The following PHF21B variants were observed in gnomAD, a reference collection of about 807,000 sequenced individuals.
The protein encoded by PHF21B is PHD finger protein 21B.
In PHF21B, 22 loss-of-function variants were observed where a neutral mutation model predicts 62.2. That is an observed-to-expected ratio of 0.35 (90% CI 0.25 to 0.51). The LOEUF (loss-of-function observed/expected upper bound fraction) is 0.51. PHF21B is among the 20% of genes least tolerant of loss of function. The pLI, the probability that PHF21B is intolerant of heterozygous loss-of-function variation, is 0.97. For synonymous variants in PHF21B, 341 were observed against 314.7 expected, an observed-to-expected ratio of 1.08 and a Z score of -0.88; for missense variants, 701 against 707.9, an observed-to-expected ratio of 0.99 and a Z score of 0.11.
At chr22:44,948,590 C>T (rs146705188) in intron 2 of PHF21B, among the ~76,000 whole-genome samples, 17 of 151,844 alleles carry the variant, frequency 1.1e-4, no homozygotes, top group Admixed American at 3.9e-4. Flanking sequence ...ACTTGGGAGG[C>T]TGAGGCACAA....
intron 2 of PHF21B, among the ~76,000 whole-genome samples, chr22:44,957,002 C>T (rs2072311981): frequency 6.6e-6 from 1 of 152,214 alleles, no homozygotes; most frequent in Non-Finnish European, 1.5e-5. Flanking sequence ...GCTCCATCCT[C>T]GTCCCAGCCC....
At chr22:44,884,746 TCAGCACCACCATCATTACCACCATCAC>T (rs1426079966) in intron 12 of PHF21B, among the ~76,000 whole-genome samples, 1 of 136,350 alleles carries the variant, frequency 7.3e-6, no homozygotes, top group African/African-American at 2.7e-5. Context: ...ATCACTGTGA[TCAGCACCACCATCATTACCACCATCAC>T]CATCACCACC....
At chr22:44,979,468 C>G (rs565380642) in intron 2 of PHF21B, among the ~76,000 whole-genome samples, 1 of 152,334 alleles carries the variant, frequency 6.6e-6, no homozygotes, top group African/African-American at 2.4e-5. Context: ...GAAGGCAGAC[C>G]CTGACCCCTT....
chr22:45,008,400 G>A (rs1777733413), intron 2 of PHF21B, 145 bp downstream of exon 2: 1 of 674,682 alleles, frequency 1.5e-6, no homozygotes, highest in Non-Finnish European at 2.1e-6. Flanking sequence ...GGAAAGGGGA[G>A]GGGTGGGGAA....
rs772774018 is a variant in PHF21B, at chr22:44,913,990, G to A, written c.663C>T (p.Ser221=). Residue 221 remains serine (S), a synonymous_variant, in exon 5 of 13, where the codon TCC becomes TCT. Coordinates refer to ENST00000313237, the MANE Select transcript of PHF21B (RefSeq NM_138415.5). ...GGAAGATGCCATGGAGGGGTGAAGG[G>A]GACAGTGATGGGGAGGGAGGGGTGA... ...LPLTPPSPSL[S]PSPLHGIFQV... is the part of the protein sequence containing the mutation. 6.3e-7 allele frequency: 1 copy of A among 1,593,444 alleles called. No homozygotes were observed. Among genetic ancestry groups the A allele is most frequent in the South Asian group, 1.1e-5 (1 of 90,354 alleles).
chr22:44,974,629 C>T (rs1388042988), intron 2 of PHF21B, among the ~76,000 whole-genome samples: 1 of 152,182 alleles, frequency 6.6e-6, no homozygotes, highest in East Asian at 1.9e-4. Flanking sequence ...CTCGTCACCA[C>T]CTGACCTGCT....
chr22:44,894,161 A>G (rs2071016773), intron 6 of PHF21B, among the ~76,000 whole-genome samples: 1 of 152,120 alleles, frequency 6.6e-6, no homozygotes, highest in South Asian at 2.1e-4. Flanking sequence ...AACCTTCTCA[A>G]TATTACTCAG....
At chr22:44,954,228 G>A (rs992772366) in intron 2 of PHF21B, among the ~76,000 whole-genome samples, 4 of 152,196 alleles carry the variant, frequency 2.6e-5, no homozygotes, top group Non-Finnish European at 5.9e-5. Flanking sequence ...ACTTTTGCAA[G>A]CACCCAGTGC....
At chr22:44,945,719 G>T (rs1037388884) in intron 2 of PHF21B, among the ~76,000 whole-genome samples, 3 of 21,534 alleles carry the variant, frequency 1.4e-4, no homozygotes, top group South Asian at 1.4e-3. Flanking sequence ...GCAGAATTGG[G>T]GGGGGGGTGG....
intron 2 of PHF21B, chr22:44,969,121 G>A (rs2072587495): frequency 6.6e-6 from 1 of 152,398 alleles, no homozygotes; most frequent in South Asian, 2.1e-4. Flanking sequence ...GCATAGGGTT[G>A]GACGGACGAA....
intron 2 of PHF21B, among the ~76,000 whole-genome samples, chr22:44,992,296 C>T (rs1179466088): frequency 6.6e-6 from 1 of 152,204 alleles, no homozygotes; most frequent in African/African-American, 2.4e-5. Flanking sequence ...GGATGCTGGA[C>T]GATGAAATGC....
chr22:44,974,890 C>T lies in PHF21B; in HGVS notation c.120+33655G>A, dbSNP rs190733880. Among the ~76,000 whole-genome samples the T allele has an allele frequency of 1.1e-3, 164 of 152,254 alleles. 1 individual carries two copies. Among genetic ancestry groups the T allele is most frequent in the African/African-American group, 3.8e-3 (158 of 41,550 alleles). ...TTGAAAATTCTGATCATATTAATAC[C>T]ACTCAGTACCCAATCATTGAACAAG... On this transcript the variant is annotated intron_variant, in intron 2 of 12. Coordinates refer to ENST00000313237, the MANE Select transcript of PHF21B (RefSeq NM_138415.5).
intron 2 of PHF21B, among the ~76,000 whole-genome samples, chr22:44,929,699 G>A (rs1437779972): frequency 2.6e-5 from 4 of 152,222 alleles, no homozygotes; most frequent in African/African-American, 4.8e-5. Context: ...GGAGATGCCC[G>A]GCACAAAGGT....
intron 2 of PHF21B, among the ~76,000 whole-genome samples, chr22:44,939,643 T>C (rs1488016196): frequency 2.0e-5 from 3 of 152,154 alleles, no homozygotes; most frequent in Non-Finnish European, 4.4e-5. Flanking sequence ...CAGCCCGTCC[T>C]GTCCCAGCAT....
At chr22:44,962,777 G>C (rs191541129) in intron 2 of PHF21B, among the ~76,000 whole-genome samples, 6 of 152,106 alleles carry the variant, frequency 3.9e-5, no homozygotes, top group African/African-American at 1.2e-4. Context: ...GGTGCCTCAC[G>C]GAACGGTGGG....
intron 2 of PHF21B, among the ~76,000 whole-genome samples, chr22:44,984,814 C>T (rs1442871911): frequency 1.3e-5 from 2 of 152,154 alleles, no homozygotes; most frequent in South Asian, 2.1e-4. Context: ...CGGCATTTCC[C>T]GCTGGTGGCC....
chr22:44,906,157 C>G (rs1002259219), intron 5 of PHF21B, among the ~76,000 whole-genome samples: 8 of 152,226 alleles, frequency 5.3e-5, no homozygotes, highest in African/African-American at 1.9e-4. Context: ...CAGCAACGTT[C>G]AGCTCCATCA....
intron 2 of PHF21B, among the ~76,000 whole-genome samples, chr22:44,930,213 C>G (rs1336258746): frequency 1.3e-5 from 2 of 152,180 alleles, no homozygotes; most frequent in Non-Finnish European, 1.5e-5. Context: ...ACAGCCAGGG[C>G]TGGGTCTATC....
rs150066115 is a variant in PHF21B at position 44,952,240 on chromosome 22, G to A, written c.121-31750C>T. 3.7e-3 allele frequency among the ~76,000 whole-genome samples: 559 copies of A among 152,332 alleles called. 6 individuals are homozygous for A. Among genetic ancestry groups the A allele is most frequent in the African/African-American group, 0.013 (530 of 41,576 alleles). ...CGCCTATAATCCCAGCTACTTTGGA[G>A]GCTGAGGCAGGAGAATCGCTTGAAC... On this transcript the variant is annotated intron_variant, in intron 2 of 12. Transcript: ENST00000313237.
Sources: gnomAD v4.1 joint callset for allele counts (sites outside exome capture counted in the v4.1 genomes callset) on GRCh38, gnomAD v4.1.1 for gene constraint, MANE v1.5 for transcripts, NCBI Gene and HGNC (gene_info 2026-07-23, HGNC 2026-07-21) for gene names.